The following PITPNC1 variants were observed in gnomAD, a reference collection of about 807,000 sequenced individuals.
PITPNC1 encodes cytoplasmic phosphatidylinositol transfer protein 1.
A neutral mutation model predicts 44.7 loss-of-function variants in PITPNC1; 18 were observed. The ratio of observed to expected loss-of-function variants is 0.40; its 90% CI spans 0.28 to 0.60. The LOEUF (loss-of-function observed/expected upper bound fraction) is 0.60, where lower values mean the gene tolerates loss of function less well. Ranked by LOEUF, PITPNC1 falls within the 20% of genes least tolerant of loss-of-function variation. PITPNC1 has a pLI of 0.39. For missense variants in PITPNC1, 290 were observed against 418.4 expected, an observed-to-expected ratio of 0.69 and a Z score of 2.68; for synonymous variants, 141 against 149.6, an observed-to-expected ratio of 0.94 and a Z score of 0.42.
chr17:67,640,075 T>C (rs572424076), intron 6 of PITPNC1, among the ~76,000 whole-genome samples: 1 of 150,836 alleles, frequency 6.6e-6, no homozygotes, highest in Non-Finnish European at 1.5e-5. Context: ...TGTGCTGTTA[T>C]TATCTTTTTT....
chr17:67,475,784 C>T (rs1004047905), intron 1 of PITPNC1, among the ~76,000 whole-genome samples: 1 of 152,116 alleles, frequency 6.6e-6, no homozygotes, highest in African/African-American at 2.4e-5. Flanking sequence ...GGATTCAGTG[C>T]CAGGAATCCA....
At chr17:67,568,499 G>C (rs1403139831) in intron 4 of PITPNC1, among the ~76,000 whole-genome samples, 1 of 152,136 alleles carries the variant, frequency 6.6e-6, no homozygotes, top group Non-Finnish European at 1.5e-5. Context: ...TATATGGTAT[G>C]TGAATAAAGC....
At chr17:67,636,394 T>G (rs1435476936) in intron 6 of PITPNC1, among the ~76,000 whole-genome samples, 1 of 151,974 alleles carries the variant, frequency 6.6e-6, no homozygotes, top group Non-Finnish European at 1.5e-5. Context: ...AACTCTGGAT[T>G]CAGCTTTGAC....
chr17:67,509,527 G>T (rs1035723933), intron 1 of PITPNC1, among the ~76,000 whole-genome samples: 2 of 150,794 alleles, frequency 1.3e-5, no homozygotes, highest in African/African-American at 4.9e-5. Flanking sequence ...ACAGAGTGAG[G>T]CTCCATCTCT....
chr17:67,497,863 C>CT (rs372628446), intron 1 of PITPNC1, among the ~76,000 whole-genome samples: 17,036 of 131,614 alleles, frequency 0.13, 1,266 homozygotes, highest in African/African-American at 0.22. Context: ...ATTTTTCTTT[C>CT]TTTTTTTTTT....
rs116234575 is a variant in PITPNC1 at position 67,644,127 on chromosome 17, G to C, written c.462+11889G>C. ...TCTGTTATGGTTTAACCTGAATTCC[G>C]GATGGCACGTGTCTCTGCTACTTCA... On this transcript the variant is annotated intron_variant, in intron 6 of 8. Transcript: ENST00000581322. Among the ~76,000 whole-genome samples the C allele has an allele frequency of 8.8e-3, 1,338 of 152,250 alleles. 18 individuals are homozygous for C. Among genetic ancestry groups the C allele is most frequent in the African/African-American group, 0.029 (1,215 of 41,534 alleles).
chr17:67,523,511 C>T (rs1026866008), intron 1 of PITPNC1, among the ~76,000 whole-genome samples: 14 of 149,640 alleles, frequency 9.4e-5, no homozygotes, highest in African/African-American at 1.7e-4. Context: ...TTTTTTCTCA[C>T]TTGATTCTCA....
intron 6 of PITPNC1, 44 bp downstream of exon 6, chr17:67,632,282 T>C: frequency 8.2e-7 from 1 of 1,218,942 alleles, no homozygotes; most frequent in Non-Finnish European, 1.2e-6. Context: ...CATTCATTCA[T>C]TCATTCCACA....
chr17:67,687,162 TAG>T, intron 8 of PITPNC1: 1 of 1,580,672 alleles, frequency 6.3e-7, no homozygotes. Flanking sequence ...GTGGATGACA[TAG>T]AGAGTCATGC....
chr17:67,392,579 T>A (rs2143802928), intron 1 of PITPNC1, among the ~76,000 whole-genome samples: 1 of 152,248 alleles, frequency 6.6e-6, no homozygotes, highest in Non-Finnish European at 1.5e-5. Flanking sequence ...CGATTATTAT[T>A]TTGAAATTGG....
At chr17:67,537,400 T>C (rs980298466) in intron 2 of PITPNC1, among the ~76,000 whole-genome samples, 2 of 152,204 alleles carry the variant, frequency 1.3e-5, no homozygotes, top group African/African-American at 2.4e-5. Context: ...AGCATTATTA[T>C]ACAGCAGGAA....
chr17:67,644,968 G>A (rs1394704985), intron 6 of PITPNC1, among the ~76,000 whole-genome samples: 1 of 152,142 alleles, frequency 6.6e-6, no homozygotes, highest in Non-Finnish European at 1.5e-5. Context: ...CCAAGAATCA[G>A]TGTGTAAATG....
intron 1 of PITPNC1, among the ~76,000 whole-genome samples, chr17:67,486,202 A>G (rs777684031): frequency 6.6e-6 from 1 of 152,164 alleles, no homozygotes; most frequent in Non-Finnish European, 1.5e-5. Flanking sequence ...GTGCCAAAAA[A>G]TGTTCTCGGA....
chr17:67,404,122 T>A (rs1483574170), intron 1 of PITPNC1, among the ~76,000 whole-genome samples: 4 of 152,232 alleles, frequency 2.6e-5, no homozygotes, highest in Non-Finnish European at 2.9e-5. Flanking sequence ...TAATTCATTG[T>A]CAAGTTATTT....
intron 1 of PITPNC1, among the ~76,000 whole-genome samples, chr17:67,509,241 A>G (rs1370254965): frequency 6.7e-6 from 1 of 149,948 alleles, no homozygotes; most frequent in Admixed American, 6.7e-5. Context: ...CTCAAAATAA[A>G]TAAATAAATA....
At chr17:67,688,353 C>CAAAAAAAAAAA (rs1555584407) in intron 8 of PITPNC1, among the ~76,000 whole-genome samples, 1 of 47,692 alleles carries the variant, frequency 2.1e-5, no homozygotes, top group Non-Finnish European at 4.3e-5. Flanking sequence ...AAAAAAAAAT[C>CAAAAAAAAAAA]AATGCTGTAG....
chr17:67,599,034 A>ATTTTTTTTTT (rs1160152426), intron 5 of PITPNC1, among the ~76,000 whole-genome samples: 4 of 35,674 alleles, frequency 1.1e-4, no homozygotes, highest in African/African-American at 4.6e-4. Context: ...ATATATATAT[A>ATTTTTTTTTT]TTTTTTTTTT....
intron 5 of PITPNC1, among the ~76,000 whole-genome samples, chr17:67,592,666 T>A (rs567371431): frequency 5.9e-5 from 9 of 152,344 alleles, no homozygotes; most frequent in African/African-American, 2.2e-4. Flanking sequence ...TAATAGATAA[T>A]GTGTCTCCAA....
At chr17:67,663,818 C>A (rs1037093525) in intron 6 of PITPNC1, among the ~76,000 whole-genome samples, 3 of 152,168 alleles carry the variant, frequency 2.0e-5, no homozygotes, top group Non-Finnish European at 4.4e-5. Context: ...CACAGTGTTG[C>A]CACAGTGATG....
Sources: gnomAD v4.1 joint callset for allele counts (sites outside exome capture counted in the v4.1 genomes callset) on GRCh38, gnomAD v4.1.1 for gene constraint, MANE v1.5 for transcripts, NCBI Gene and HGNC (gene_info 2026-07-23, HGNC 2026-07-21) for gene names.